The following CSNK1G1 variants were observed in gnomAD, a reference collection of about 807,000 sequenced individuals.
CSNK1G1 encodes the protein casein kinase 1 gamma 1.
A neutral mutation model predicts 59.6 loss-of-function variants in CSNK1G1; 22 were observed. That is an observed-to-expected ratio of 0.37 (90% CI 0.26 to 0.53). CSNK1G1 has a LOEUF of 0.53. CSNK1G1 is among the 20% of genes least tolerant of loss of function. CSNK1G1 has a pLI of 0.89. For missense variants in CSNK1G1, 384 were observed against 519.5 expected (o/e 0.74, Z 2.54); for synonymous variants, 179 against 177.1 (o/e 1.01, Z -0.08).
At chr15:64,343,617 C>G (rs1452479491) in intron 1 of CSNK1G1, among the ~76,000 whole-genome samples, 1 of 151,990 alleles carries the variant, frequency 6.6e-6, no homozygotes, top group Non-Finnish European at 1.5e-5. Flanking sequence ...TTTCTCCCCT[C>G]TAAATTACTG....
At position 64,287,422 on chromosome 15, in the gene CSNK1G1, T is replaced by C. The variant is rs532565284; in HGVS notation, c.181+12897A>G. Among the ~76,000 whole-genome samples the C allele has an allele frequency of 1.7e-4, 26 of 152,306 alleles. 2 individuals carry two copies. The East Asian group carries it at 1.7e-3, about 10-fold the overall frequency. ...TTTTTCATATTAATTTTTGCTAATC[T>C]AGTTGTCAAATCTAAAATTGTACAG... On this transcript the variant is annotated intron_variant, in intron 2 of 11. Transcript: ENST00000303052.
In CSNK1G1 at chr15:64,241,444, C is replaced by T. The variant is rs2082692615; in HGVS notation, c.292+10068G>A. 2.0e-5 allele frequency among the ~76,000 whole-genome samples: 3 copies of T among 152,270 alleles called. No individual in the cohort carries two copies. In the South Asian group the frequency reaches 6.2e-4, roughly 32 times the overall value. Reference sequence around the variant, plus strand: ...AACATCCCATTGGATTTAAACATCACTTTAGACCAAATAGACCTAACAGAC... The same window carrying T: ...AACATCCCATTGGATTTAAACATCATTTTAGACCAAATAGACCTAACAGAC... On this transcript the variant is annotated intron_variant, in intron 4 of 11. Transcript: ENST00000303052.
At position 64,247,302 on chromosome 15, in the gene CSNK1G1, C is replaced by T. The variant is rs1891811400; in HGVS notation, c.292+4210G>A. 2.0e-5 allele frequency among the ~76,000 whole-genome samples: 3 copies of T among 152,016 alleles called. No homozygotes were observed. The South Asian group carries it at 6.2e-4, about 31-fold the overall frequency. ...GGTGACCATAATACAATTAACATAA[C>T]ATTGATGATTGAAGAAAATAAGAAA... On this transcript the variant is annotated intron_variant, in intron 4 of 11. Transcript: ENST00000303052.
chr15:64,239,321 A>G (rs2140302613), intron 4 of CSNK1G1, among the ~76,000 whole-genome samples: 1 of 152,292 alleles, frequency 6.6e-6, no homozygotes, highest in South Asian at 2.1e-4. Flanking sequence ...AAACTGCTGG[A>G]AAAGGAACTC....
In CSNK1G1 at chr15:64,251,596, G is replaced by C; in HGVS notation, c.223-15C>G. The C allele has an allele frequency of 1.3e-6, 2 of 1,579,388 alleles. No homozygotes were observed. Among genetic ancestry groups the C allele is most frequent in the South Asian group, 1.1e-5 (1 of 89,732 alleles). On this transcript the variant is annotated splice_polypyrimidine_tract_variant and intron_variant, in intron 3 of 11. Transcript: ENST00000303052. ...TTTATTGGTTCCTGAAATCCAAAAAGAAAAACTGTGATCAGATTTAAACAA... is the reference window on the plus strand; with the variant it reads ...TTTATTGGTTCCTGAAATCCAAAAACAAAAACTGTGATCAGATTTAAACAA...
At chr15:64,259,409 GC>G (rs1469684013) in intron 2 of CSNK1G1, among the ~76,000 whole-genome samples, 168 bp from the exon 3 acceptor site, 1 of 151,252 alleles carries the variant, frequency 6.6e-6, no homozygotes, top group Non-Finnish European at 1.5e-5. Flanking sequence ...ATCTAGCAAG[GC>G]TAGAACAGCT....
intron 2 of CSNK1G1, among the ~76,000 whole-genome samples, chr15:64,276,277 CA>C (rs1893612567): frequency 6.6e-6 from 1 of 152,136 alleles, no homozygotes; most frequent in Non-Finnish European, 1.5e-5. Context: ...TGGAGTGAAT[CA>C]TTCTAGAAAG....
chr15:64,300,089 A>G (rs540639760), intron 2 of CSNK1G1, among the ~76,000 whole-genome samples: 1 of 152,196 alleles, frequency 6.6e-6, no homozygotes, highest in Non-Finnish European at 1.5e-5. Flanking sequence ...AGAAAATCTC[A>G]GAACTGGTAG....
rs1173679791 is a variant in CSNK1G1, at chr15:64,169,604, A to G, written c.*2327T>C. ...TGAGGAAAAGTTAAACTTTCTATACAGTAAGTTAGCAATGCCCAAATCCCA... is the reference window on the plus strand; with the variant it reads ...TGAGGAAAAGTTAAACTTTCTATACGGTAAGTTAGCAATGCCCAAATCCCA... On this transcript the variant is annotated 3_prime_UTR_variant, in exon 12 of 12. Coordinates refer to ENST00000303052, the MANE Select transcript of CSNK1G1 (RefSeq NM_022048.5). The G allele has an allele frequency of 6.6e-6, 1 of 152,234 alleles. No individual in the cohort carries two copies. Among genetic ancestry groups the G allele is most frequent in the South Asian group, 2.1e-4 (1 of 4,834 alleles). The allele number at this position is 152,234 out of a possible 1,614,324, so 9.4% of individuals were successfully genotyped here. A position where few individuals can be genotyped will look rare whatever the true frequency, so the allele number is the denominator to read the frequency against.
At chr15:64,256,216 A>C (rs1393447381) in intron 3 of CSNK1G1, among the ~76,000 whole-genome samples, 1 of 152,240 alleles carries the variant, frequency 6.6e-6, no homozygotes, top group Admixed American at 6.5e-5. Context: ...TAGAAAAGGG[A>C]CTATTCTTTC....
At chr15:64,192,856 A>AAT (rs1281496860) in intron 10 of CSNK1G1, among the ~76,000 whole-genome samples, 1 of 150,588 alleles carries the variant, frequency 6.6e-6, no homozygotes, top group African/African-American at 2.4e-5. Flanking sequence ...AAAAAAAAAA[A>AAT]AAAAAAAAAA....
intron 3 of CSNK1G1, among the ~76,000 whole-genome samples, chr15:64,254,617 G>T (rs767268112): frequency 1.3e-5 from 2 of 152,182 alleles, no homozygotes; most frequent in Non-Finnish European, 2.9e-5. Flanking sequence ...CTCCCAAAGT[G>T]CTGGGATTAC....
chr15:64,265,939 C>A, intron 2 of CSNK1G1: 2 of 421,528 alleles, frequency 4.7e-6, no homozygotes, highest in South Asian at 1.7e-5. Flanking sequence ...TTTTAATTAG[C>A]CAGGTGTAGG....
At chr15:64,316,655 G>A (rs1327566149) in intron 1 of CSNK1G1, among the ~76,000 whole-genome samples, 1 of 151,782 alleles carries the variant, frequency 6.6e-6, no homozygotes, top group Non-Finnish European at 1.5e-5. Flanking sequence ...GAAAAAAGAA[G>A]TAAAAACTAA....
Position 64,188,797 on chromosome 15 carries a change from G to C in CSNK1G1, c.1108-8343C>G, listed in dbSNP as rs927314891. On this transcript the variant is annotated intron_variant, in intron 10 of 11. Transcript: ENST00000303052. The surrounding 1 kb of genome is among the most constrained non-coding windows in gnomAD (Gnocchi z 4.2). ...GGGATCATCTTTTAGTTTCCATAGAGGTAAAATTTCAGTAGCCACTAAGCA... is the reference window on the plus strand; with the variant it reads ...GGGATCATCTTTTAGTTTCCATAGACGTAAAATTTCAGTAGCCACTAAGCA... Among the ~76,000 whole-genome samples the C allele has an allele frequency of 7.9e-5, 12 of 152,142 alleles. No homozygotes were observed. The highest frequency in any genetic ancestry group is 1.6e-4 in the Non-Finnish European group (11 of 68,026).
In CSNK1G1 at chr15:64,181,296, G is replaced by A. The variant is rs1300903084; in HGVS notation, c.1108-842C>T. On this transcript the variant is annotated intron_variant, in intron 10 of 11. Coordinates refer to ENST00000303052, the MANE Select transcript of CSNK1G1 (RefSeq NM_022048.5). ...ATCTGGTTAATGTGGACCCAATCAG[G>A]CTTCTCTTGCATGTGTAGCTGCTTC... 2.0e-6 allele frequency: 3 copies of A among 1,535,942 alleles called. No homozygotes were observed. In the African/African-American group the frequency reaches 4.1e-5, roughly 21 times the overall value.
intron 11 of CSNK1G1, among the ~76,000 whole-genome samples, chr15:64,178,364 A>G (rs1181644876): frequency 6.6e-6 from 1 of 152,046 alleles, no homozygotes; most frequent in African/African-American, 2.4e-5. Flanking sequence ...CTGGGAGAAG[A>G]GCTCTGAAGC....
At chr15:64,309,182 TA>T (rs1279892869) in intron 1 of CSNK1G1, among the ~76,000 whole-genome samples, 1 of 152,146 alleles carries the variant, frequency 6.6e-6, no homozygotes, top group African/African-American at 2.4e-5. Flanking sequence ...ACCATAGCAG[TA>T]ATCACAGTGC....
rs180863257 is a variant in CSNK1G1 at position 64,189,273 on chromosome 15, G to A, written c.1108-8819C>T. On this transcript the variant is annotated intron_variant, in intron 10 of 11. Transcript: ENST00000303052. ...TCTTCTGGAAAGCAAAAGGAGGGTC[G>A]ACCTTCAACTAAAAACCTCTTTGGA... 8 of 917,054 alleles carry A rather than the reference G, an allele frequency of 8.7e-6. 1 individual carries two copies. The East Asian group carries it at 7.8e-4, about 89-fold the overall frequency. The allele number at this position is 917,054 out of a possible 1,614,324, so 56.8% of individuals were successfully genotyped here.
Sources: gnomAD v4.1 joint callset for allele counts (sites outside exome capture counted in the v4.1 genomes callset) on GRCh38, gnomAD v4.1.1 for gene constraint, Gnocchi (gnomAD v3.1) non-coding constraint, MANE v1.5 for transcripts, NCBI Gene and HGNC (gene_info 2026-07-23, HGNC 2026-07-21) for gene names.